Variants in SUSD5 observed in about 807,000 individuals in gnomAD.
SUSD5 encodes sushi domain containing 5.
In SUSD5, 33 loss-of-function variants were observed where a neutral mutation model predicts 29.5. The ratio of observed to expected loss-of-function variants is 1.12; its 90% CI spans 0.85 to 1.49. The LOEUF (loss-of-function observed/expected upper bound fraction) is 1.49. Ranked by LOEUF, SUSD5 falls within the 40% of genes most tolerant of loss-of-function variation. SUSD5 has a pLI of 0.00. For missense variants in SUSD5, 776 were observed against 800.6 expected, an observed-to-expected ratio of 0.97 and a Z score of 0.37; for synonymous variants, 308 against 325.3, an observed-to-expected ratio of 0.95 and a Z score of 0.57.
Position 33,153,541 on chromosome 3 carries a change from C to T in SUSD5, c.1091G>A (p.Ser364Asn). ...ATCTAACCAGGACTCATCACTGCTG[C>T]TCACCACTGGATCTCCTGCCTTGCT... ...NDSKAGDPVV[S>N]SSDESWLDGY... Residue 364 changes from serine (S) to asparagine (N), a missense_variant, in exon 5 of 5, where the codon AGC (serine) becomes AAC (asparagine). By Grantham distance (46) the Ser-to-Asn change is conservative. Coordinates refer to ENST00000309558, the MANE Select transcript of SUSD5 (RefSeq NM_015551.2). 1 of 1,614,054 alleles carries T rather than the reference C, an allele frequency of 6.2e-7. No homozygotes were observed. The highest frequency in any genetic ancestry group is 8.5e-7 in the Non-Finnish European group (1 of 1,179,948).
intron 3 of SUSD5, among the ~76,000 whole-genome samples, chr3:33,184,580 C>T (rs1180516772): frequency 1.3e-5 from 2 of 151,964 alleles, no homozygotes; most frequent in Non-Finnish European, 1.5e-5. Flanking sequence ...TTGTGGTACC[C>T]CATAGTTCTT....
chr3:33,185,260 TAAG>T (rs1041799374), intron 3 of SUSD5, among the ~76,000 whole-genome samples: 14 of 152,358 alleles, frequency 9.2e-5, no homozygotes, highest in African/African-American at 3.4e-4. Flanking sequence ...CAGGCCTTGT[TAAG>T]AAGAACAGAA....
intron 3 of SUSD5, among the ~76,000 whole-genome samples, chr3:33,188,415 G>A (rs931027585): frequency 6.6e-6 from 1 of 152,040 alleles, no homozygotes; most frequent in Non-Finnish European, 1.5e-5. Flanking sequence ...AACCAGCATT[G>A]TCCTCCCCAA....
intron 4 of SUSD5, among the ~76,000 whole-genome samples, chr3:33,174,213 T>C (rs550734015): frequency 9.2e-5 from 14 of 152,272 alleles, no homozygotes; most frequent in East Asian, 5.8e-4. Context: ...TCCGTGGGAA[T>C]AGCCCTTGCA....
Position 33,174,904 on chromosome 3 carries a change from C to G in SUSD5, c.580G>C (p.Val194Leu). The change falls in exon 4 of 5, where the codon GTG (valine) becomes CTG (leucine). Residue 194 changes from valine (V) to leucine (L), a missense_variant. Val to Leu is a conservative substitution (Grantham distance 32). Coordinates refer to ENST00000309558, the MANE Select transcript of SUSD5 (RefSeq NM_015551.2). ...TGCTTACCTTTCCCACAGGCCTGCA[C>G]CAGGCCGTACCACTCCCCACAGCTG... ...CNSCGEWYGL[V>L]QACGKDEAEA... The G allele has an allele frequency of 6.2e-7, 1 of 1,613,998 alleles. No homozygotes were observed. The highest frequency in any genetic ancestry group is 1.6e-4 in the Middle Eastern group (1 of 6,062).
At chr3:33,184,357 T>C in intron 3 of SUSD5, among the ~76,000 whole-genome samples, 1 of 152,202 alleles carries the variant, frequency 6.6e-6, no homozygotes, top group South Asian at 2.1e-4. Context: ...ATTTTAAATT[T>C]ATCTTTAAAT....
At position 33,153,504 on chromosome 3, in the gene SUSD5, C is replaced by T. The variant is rs1453611437; in HGVS notation, c.1128G>A (p.Val376=). ...SDESWLDGYP[V]TEGAWRKTEA... is the part of the protein sequence containing the mutation. The stretch of plus-strand genomic sequence containing the variant: ...CTGTCTTCCTCCAAGCCCCCTCTGT[C>T]ACAGGGTAGCCATCTAACCAGGACT... Residue 376 remains valine, a synonymous_variant, in exon 5 of 5, where the codon GTG becomes GTA. Coordinates refer to ENST00000309558, the MANE Select transcript of SUSD5 (RefSeq NM_015551.2). The T allele has an allele frequency of 6.2e-7, 1 of 1,614,060 alleles. No individual in the cohort carries two copies. The highest frequency in any genetic ancestry group is 8.5e-7 in the Non-Finnish European group (1 of 1,179,982).
rs1179639235 is a variant in SUSD5 at position 33,169,372 on chromosome 3, C to G, written c.598+5514G>C. Among the ~76,000 whole-genome samples, 36 of 152,304 alleles carry G rather than the reference C, an allele frequency of 2.4e-4. 1 individual carries two copies. Among genetic ancestry groups the G allele is most frequent in the Admixed American group, 2.4e-3 (36 of 15,296 alleles). On this transcript the variant is annotated intron_variant, in intron 4 of 4. Coordinates refer to ENST00000309558, the MANE Select transcript of SUSD5 (RefSeq NM_015551.2). ...AGTAGCTGGGATTACAGGCGCCCGCCACCACGCCCGGCTAAGTTTTGTATA... is the reference window on the plus strand; with the variant it reads ...AGTAGCTGGGATTACAGGCGCCCGCGACCACGCCCGGCTAAGTTTTGTATA...
intron 2 of SUSD5, among the ~76,000 whole-genome samples, chr3:33,209,066 AG>A (rs1417145312): frequency 6.6e-6 from 1 of 152,214 alleles, no homozygotes. Flanking sequence ...TATTATTGGG[AG>A]ATATTTTTCA....
intron 4 of SUSD5, among the ~76,000 whole-genome samples, chr3:33,154,753 A>G (rs1461157502): frequency 6.6e-6 from 1 of 152,256 alleles, no homozygotes; most frequent in Non-Finnish European, 1.5e-5. Context: ...ATGATATAAG[A>G]CATTGCTAAG....
intron 2 of SUSD5, among the ~76,000 whole-genome samples, chr3:33,213,094 T>C (rs1036115334): frequency 6.6e-6 from 1 of 152,338 alleles, no homozygotes; most frequent in Middle Eastern, 3.4e-3. Flanking sequence ...ACAATAAGCA[T>C]GTATTCTTTT....
chr3:33,195,659 G>A (rs2031980712), intron 3 of SUSD5, among the ~76,000 whole-genome samples: 1 of 150,716 alleles, frequency 6.6e-6, no homozygotes, highest in Non-Finnish European at 1.5e-5. Flanking sequence ...TTAATTTATA[G>A]TACATTCATA....
intron 4 of SUSD5, among the ~76,000 whole-genome samples, chr3:33,174,514 A>C (rs376722782): frequency 6.6e-6 from 1 of 152,110 alleles, no homozygotes; most frequent in Non-Finnish European, 1.5e-5. Flanking sequence ...CCAGTTTACC[A>C]ATTGGGGGTC....
Position 33,214,022 on chromosome 3 carries a change from C to A in SUSD5, c.196G>T (p.Ala66Ser). ...AGCTCGTCTGCAGATGCCAGGTGAG[C>A]GCCCCTGCTCTTGCAGGAAAGCCGA... is the stretch of plus-strand genomic sequence containing the variant. Reference protein sequence around the residue: ...AARLSCKSRGAHLASADELRR... With the variant: ...AARLSCKSRGSHLASADELRR... The change falls in exon 2 of 5, where the codon GCT becomes TCT. Residue 66 changes from alanine (A) to serine (S), a missense_variant. Ala to Ser is a moderately conservative substitution (Grantham distance 99). Transcript: ENST00000309558. The A allele has an allele frequency of 6.2e-7, 1 of 1,613,656 alleles. No individual in the cohort carries two copies.
intron 2 of SUSD5, among the ~76,000 whole-genome samples, chr3:33,208,621 A>C (rs559760220): frequency 1.5e-4 from 23 of 151,416 alleles, no homozygotes; most frequent in South Asian, 8.4e-4. Flanking sequence ...TATCTGAATT[A>C]TTCTTCTTCT....
intron 2 of SUSD5, among the ~76,000 whole-genome samples, chr3:33,208,805 G>C (rs564182938): frequency 1.2e-3 from 189 of 152,230 alleles, no homozygotes; most frequent in African/African-American, 4.5e-3. Flanking sequence ...CACTACATAT[G>C]AATACACTTA....
chr3:33,160,508 C>T (rs1037668183), intron 4 of SUSD5, among the ~76,000 whole-genome samples: 20 of 152,064 alleles, frequency 1.3e-4, no homozygotes, highest in South Asian at 4.1e-4. Flanking sequence ...TGGGCCATGA[C>T]GTGCCACTGC....
chr3:33,169,980 C>T (rs957957450), intron 4 of SUSD5, among the ~76,000 whole-genome samples: 6 of 151,966 alleles, frequency 3.9e-5, no homozygotes, highest in African/African-American at 9.7e-5. Context: ...TGCAGTGGCA[C>T]GATCTCAGCT....
intron 4 of SUSD5, among the ~76,000 whole-genome samples, chr3:33,173,604 C>T (rs898114444): frequency 6.6e-6 from 1 of 152,182 alleles, no homozygotes; most frequent in African/African-American, 2.4e-5. Flanking sequence ...GTGACAGCAC[C>T]CTAGGTCTCA....
Sources: gnomAD v4.1 joint callset for allele counts (sites outside exome capture counted in the v4.1 genomes callset) on GRCh38, gnomAD v4.1.1 for gene constraint, MANE v1.5 for transcripts, NCBI Gene and HGNC (gene_info 2026-07-23, HGNC 2026-07-21) for gene names.